FAM184B: variants seen among roughly 807,000 people sequenced by gnomAD.
The protein encoded by FAM184B is family with sequence similarity 184 member B.
A neutral mutation model predicts 135.9 loss-of-function variants in FAM184B; 111 were observed. The ratio of observed to expected loss-of-function variants is 0.82; its 90% CI spans 0.70 to 0.96. The LOEUF (loss-of-function observed/expected upper bound fraction) is 0.96. Among genes scored for constraint, FAM184B ranks in the 40% least tolerant of loss-of-function variants. FAM184B has a pLI of 0.00. For missense variants in FAM184B, 1,375 were observed against 1,323.9 expected (o/e 1.04, Z -0.60); for synonymous variants, 552 against 524.8 (o/e 1.05, Z -0.71).
intron 1 of FAM184B, among the ~76,000 whole-genome samples, chr4:17,770,130 A>T (rs1344388357): frequency 6.6e-6 from 1 of 152,246 alleles, no homozygotes; most frequent in East Asian, 1.9e-4. Flanking sequence ...ACCACAATAA[A>T]AAAATTTATT....
intron 1 of FAM184B, among the ~76,000 whole-genome samples, chr4:17,711,062 A>G (rs1480893909): frequency 6.6e-6 from 1 of 152,192 alleles, no homozygotes; most frequent in East Asian, 1.9e-4. Flanking sequence ...TGGAGAATCC[A>G]GAAGTTGAAG....
intron 1 of FAM184B, among the ~76,000 whole-genome samples, chr4:17,750,155 C>T (rs1376963120): frequency 6.6e-6 from 1 of 152,202 alleles, no homozygotes; most frequent in Non-Finnish European, 1.5e-5. Context: ...TTTTAAGAGT[C>T]ATCATACATA....
At chr4:17,691,559 G>A (rs533769129) in intron 6 of FAM184B, among the ~76,000 whole-genome samples, 36 of 151,818 alleles carry the variant, frequency 2.4e-4, no homozygotes, top group African/African-American at 6.3e-4. Context: ...GGTGGCATGC[G>A]CCTGTAATTC....
At chr4:17,763,495 C>T (rs1718592013) in intron 1 of FAM184B, among the ~76,000 whole-genome samples, 1 of 152,132 alleles carries the variant, frequency 6.6e-6, no homozygotes, top group African/African-American at 2.4e-5. Context: ...ATTTGATAGG[C>T]TTCCTTGGGA....
At chr4:17,639,786 C>A (rs986649722) in intron 13 of FAM184B, among the ~76,000 whole-genome samples, 1 of 151,670 alleles carries the variant, frequency 6.6e-6, no homozygotes, top group Non-Finnish European at 1.5e-5. Flanking sequence ...CCTGGGAGAC[C>A]AGGTCTTCCC....
intron 7 of FAM184B, among the ~76,000 whole-genome samples, chr4:17,672,297 C>A (rs1045097548): frequency 6.6e-6 from 1 of 152,030 alleles, no homozygotes; most frequent in Non-Finnish European, 1.5e-5. Flanking sequence ...CCTGGGAAAA[C>A]CCTCCTTCAA....
intron 13 of FAM184B, among the ~76,000 whole-genome samples, 182 bp downstream of exon 13, chr4:17,641,874 T>C (rs949311156): frequency 6.6e-6 from 1 of 151,918 alleles, no homozygotes; most frequent in African/African-American, 2.4e-5. Context: ...GGACTTTTCA[T>C]GGGTCAGAGG....
intron 1 of FAM184B, among the ~76,000 whole-genome samples, chr4:17,732,369 A>G (rs1477904602): frequency 3.3e-5 from 5 of 152,188 alleles, no homozygotes; most frequent in Non-Finnish European, 5.9e-5. Context: ...GACACAAAAA[A>G]CCCTTCAAAA....
intron 12 of FAM184B, among the ~76,000 whole-genome samples, chr4:17,644,408 C>T (rs1418978743): frequency 6.6e-6 from 1 of 152,178 alleles, no homozygotes; most frequent in Admixed American, 6.5e-5. Flanking sequence ...GGCTTCATCC[C>T]TGGGATGCAA....
At chr4:17,658,226 T>C in intron 10 of FAM184B, 124 bp downstream of exon 10, 1 of 925,770 alleles carries the variant, frequency 1.1e-6, no homozygotes. Flanking sequence ...GGGAATACAA[T>C]AATAACAATC....
At chr4:17,663,990 G>A (rs1715985345) in intron 8 of FAM184B, among the ~76,000 whole-genome samples, 1 of 152,088 alleles carries the variant, frequency 6.6e-6, no homozygotes, top group Non-Finnish European at 1.5e-5. Context: ...GACCTCCCCA[G>A]CCAAGCAGAA....
chr4:17,780,752 T>C (rs1264176860), intron 1 of FAM184B, among the ~76,000 whole-genome samples: 1 of 152,132 alleles, frequency 6.6e-6, no homozygotes, highest in Non-Finnish European at 1.5e-5. Context: ...ATTTGTTGAA[T>C]GAAGGAATAA....
intron 1 of FAM184B, among the ~76,000 whole-genome samples, chr4:17,753,558 A>T (rs1179483957): frequency 6.6e-6 from 1 of 152,192 alleles, no homozygotes; most frequent in Non-Finnish European, 1.5e-5. Context: ...TAAGTACTAG[A>T]TTAGGGTGCT....
At chr4:17,758,980 T>C (rs1023526909) in intron 1 of FAM184B, among the ~76,000 whole-genome samples, 1 of 152,188 alleles carries the variant, frequency 6.6e-6, no homozygotes, top group African/African-American at 2.4e-5. Flanking sequence ...TTAACCCAGG[T>C]ATAAAGATAA....
At chr4:17,701,331 T>G (rs1716981653) in intron 5 of FAM184B, among the ~76,000 whole-genome samples, 1 of 152,254 alleles carries the variant, frequency 6.6e-6, no homozygotes, top group African/African-American at 2.4e-5. Flanking sequence ...CAAGAATTAC[T>G]GGCTATGGAG....
chr4:17,667,994 A>G (rs1354297364), intron 7 of FAM184B, among the ~76,000 whole-genome samples: 1 of 152,038 alleles, frequency 6.6e-6, no homozygotes, highest in Non-Finnish European at 1.5e-5. Context: ...AGCTCCTCCC[A>G]CACCTGCCAG....
chr4:17,651,224 A>G (rs1715606570), intron 11 of FAM184B, among the ~76,000 whole-genome samples: 1 of 152,162 alleles, frequency 6.6e-6, no homozygotes, highest in Non-Finnish European at 1.5e-5. Flanking sequence ...GGTCTCCAGA[A>G]TCAGGCATAC....
In FAM184B at chr4:17,635,026, A is replaced by T. The variant is rs1345635790; in HGVS notation, c.2872T>A (p.Leu958Met). ...SFSFNPHPGY[L>M]TPSMKKKKVE... is the part of the protein sequence containing the mutation. Reference sequence around the variant, plus strand: ...CAATTTACCTTCATGGAAGGGGTCAAATATCCCGGGTGAGGATTGAAAGAG... The same window carrying T: ...CAATTTACCTTCATGGAAGGGGTCATATATCCCGGGTGAGGATTGAAAGAG... The change falls in exon 16 of 18, where the codon TTG (leucine) becomes ATG (methionine). Residue 958 changes from leucine (L) to methionine (M), a missense_variant. Coordinates refer to ENST00000265018, the MANE Select transcript of FAM184B (RefSeq NM_015688.2). The T allele has an allele frequency of 2.6e-6, 4 of 1,551,744 alleles. No homozygotes were observed. Among genetic ancestry groups the T allele is most frequent in the Non-Finnish European group, 3.5e-6 (4 of 1,146,924 alleles).
In FAM184B at chr4:17,633,784, G is replaced by A; in HGVS notation, c.2994C>T (p.Ala998=). The change falls in exon 17 of 18, where the codon GCC becomes GCT. Residue 998 remains alanine (A), a synonymous_variant. Coordinates refer to ENST00000265018, the MANE Select transcript of FAM184B (RefSeq NM_015688.2). ...LSGDLSSRIN[A]PPITTSPSLD... Reference sequence around the variant, plus strand: ...AGCTGGGTGATGTAGTTATTGGAGGGGCATTAATCCTGGAACTCAGATCGC... The same window carrying A: ...AGCTGGGTGATGTAGTTATTGGAGGAGCATTAATCCTGGAACTCAGATCGC... 2 of 1,551,514 alleles carry A rather than the reference G, an allele frequency of 1.3e-6. No homozygotes were observed. The highest frequency in any genetic ancestry group is 2.4e-5 in the East Asian group (1 of 40,918).
Sources: gnomAD v4.1 joint callset for allele counts (sites outside exome capture counted in the v4.1 genomes callset) on GRCh38, gnomAD v4.1.1 for gene constraint, MANE v1.5 for transcripts, NCBI Gene and HGNC (gene_info 2026-07-23, HGNC 2026-07-21) for gene names.